Variants in NKAIN2 observed in about 807,000 individuals in gnomAD.
NKAIN2 encodes the protein sodium/potassium-transporting ATPase subunit beta-1-interacting protein 2.
Under a neutral mutation model 32.6 loss-of-function variants are expected in NKAIN2, and 14 were observed. The observed-to-expected ratio is 0.43, with a 90% CI of 0.28 to 0.67. The LOEUF is 0.67. NKAIN2 is among the 30% of genes least tolerant of loss of function. The probability of loss-of-function intolerance (pLI) is 0.17; values close to 1 mark genes in which losing one functional copy is unlikely to be tolerated. For missense variants in NKAIN2, 198 were observed against 258.3 expected (o/e 0.77, Z 1.60); for synonymous variants, 80 against 87.2 (o/e 0.92, Z 0.46).
At chr6:123,887,640 A>G (rs1281050622) in intron 1 of NKAIN2, among the ~76,000 whole-genome samples, 1 of 152,128 alleles carries the variant, frequency 6.6e-6, no homozygotes, top group Non-Finnish European at 1.5e-5. Context: ...AAAGCTCTAA[A>G]TTATAGAATA....
chr6:124,088,932 C>T (rs762832205), intron 1 of NKAIN2, among the ~76,000 whole-genome samples: 9 of 151,996 alleles, frequency 5.9e-5, no homozygotes, highest in Admixed American at 2.0e-4. Flanking sequence ...CATGACTTAT[C>T]TTAGCACAAT....
chr6:124,687,411 A>AAT (rs1353368490), intron 4 of NKAIN2, among the ~76,000 whole-genome samples: 1 of 114,014 alleles, frequency 8.8e-6, no homozygotes, highest in South Asian at 2.9e-4. Flanking sequence ...GTATGTATGG[A>AAT]ATATATATAT....
intron 1 of NKAIN2, among the ~76,000 whole-genome samples, chr6:124,258,368 C>A (rs571439656): frequency 1.6e-4 from 25 of 152,206 alleles, no homozygotes; most frequent in African/African-American, 5.8e-4. Flanking sequence ...GATTTTTATT[C>A]ATTAATCTGT....
At chr6:124,372,955 C>G (rs941548502) in intron 3 of NKAIN2, among the ~76,000 whole-genome samples, 1 of 152,194 alleles carries the variant, frequency 6.6e-6, no homozygotes, top group Non-Finnish European at 1.5e-5. Context: ...TGTAAGGAAA[C>G]ATTGAAAAAC....
intron 1 of NKAIN2, among the ~76,000 whole-genome samples, chr6:124,034,894 A>G (rs895888207): frequency 1.4e-4 from 21 of 151,688 alleles, no homozygotes; most frequent in African/African-American, 5.1e-4. Flanking sequence ...TTTTTTCATG[A>G]TTTTTGGCCA....
intron 1 of NKAIN2, among the ~76,000 whole-genome samples, chr6:124,222,091 C>T (rs1468169233): frequency 5.3e-5 from 8 of 152,096 alleles, no homozygotes. Context: ...TCTGGATAGG[C>T]AGCTGGTGAT....
rs118154959 is a variant in NKAIN2 at position 124,425,047 on chromosome 6, A to G, written c.273+69700A>G. 2.4e-3 allele frequency among the ~76,000 whole-genome samples: 370 copies of G among 152,260 alleles called. 18 individuals carry two copies. The East Asian group carries it at 0.065, about 27-fold the overall frequency. On this transcript the variant is annotated intron_variant, in intron 3 of 6. Transcript: ENST00000368417. ...GTAGAGAGCCCAGAAATAAATCTAT[A>G]CATATATGGCCAGCTAATTTTCAAC...
intron 1 of NKAIN2, among the ~76,000 whole-genome samples, chr6:123,981,403 A>T (rs551185440): frequency 2.6e-5 from 4 of 152,200 alleles, no homozygotes; most frequent in African/African-American, 9.7e-5. Context: ...TCAGACGAGG[A>T]AAAACAGAAC....
chr6:124,722,430 A>G (rs995924787), intron 4 of NKAIN2, among the ~76,000 whole-genome samples: 1 of 152,176 alleles, frequency 6.6e-6, no homozygotes, highest in African/African-American at 2.4e-5. Context: ...CGTGGAAGAC[A>G]ATTTTTCAAC....
intron 4 of NKAIN2, among the ~76,000 whole-genome samples, chr6:124,697,728 C>A (rs1774569529): frequency 6.6e-6 from 1 of 152,102 alleles, no homozygotes; most frequent in Non-Finnish European, 1.5e-5. Context: ...TCCTATAAAG[C>A]AAACATTAGG....
intron 1 of NKAIN2, among the ~76,000 whole-genome samples, chr6:123,975,051 G>A (rs1778496897): frequency 6.6e-6 from 1 of 152,092 alleles, no homozygotes; most frequent in Admixed American, 6.6e-5. Context: ...GGAAGGGAGA[G>A]TAAAACTTTA....
intron 1 of NKAIN2, among the ~76,000 whole-genome samples, chr6:124,196,307 T>C (rs1219250604): frequency 6.6e-6 from 1 of 152,082 alleles, no homozygotes; most frequent in East Asian, 1.9e-4. Flanking sequence ...ACAAAGAACA[T>C]ACATTGACTG....
At chr6:124,239,113 C>T (rs1792936259) in intron 1 of NKAIN2, among the ~76,000 whole-genome samples, 1 of 152,064 alleles carries the variant, frequency 6.6e-6, no homozygotes, top group African/African-American at 2.4e-5. Context: ...CAATCCTAGT[C>T]TCTGATAAAA....
At chr6:124,771,056 C>T (rs1249115392) in intron 4 of NKAIN2, among the ~76,000 whole-genome samples, 1 of 152,128 alleles carries the variant, frequency 6.6e-6, no homozygotes, top group Non-Finnish European at 1.5e-5. Context: ...TCCTATGAGA[C>T]TTCCCTGCAG....
intron 4 of NKAIN2, among the ~76,000 whole-genome samples, chr6:124,768,040 C>G (rs780497306): frequency 2.0e-5 from 3 of 151,996 alleles, no homozygotes; most frequent in African/African-American, 7.3e-5. Context: ...ATAATTTAAT[C>G]ACATTAAATT....
chr6:124,213,325 A>G (rs1791285174), intron 1 of NKAIN2, among the ~76,000 whole-genome samples: 1 of 152,152 alleles, frequency 6.6e-6, no homozygotes, highest in South Asian at 2.1e-4. Context: ...TTGTCAAATA[A>G]CTAAATAAAT....
At chr6:124,299,965 T>G (rs1796229536) in intron 2 of NKAIN2, among the ~76,000 whole-genome samples, 1 of 152,226 alleles carries the variant, frequency 6.6e-6, no homozygotes, top group Non-Finnish European at 1.5e-5. Context: ...CTGTTGTTAC[T>G]GTGTGTATGA....
chr6:123,821,734 G>A (rs375756182), intron 1 of NKAIN2, among the ~76,000 whole-genome samples: 1 of 152,300 alleles, frequency 6.6e-6, no homozygotes, highest in East Asian at 1.9e-4. Context: ...GCTGTGGGAG[G>A]ATGAGGGAGC....
At chr6:124,399,489 A>G (rs1773536869) in intron 3 of NKAIN2, among the ~76,000 whole-genome samples, 1 of 152,230 alleles carries the variant, frequency 6.6e-6, no homozygotes, top group African/African-American at 2.4e-5. Context: ...TAACACTCAT[A>G]GAGCCTTTTT....
Sources: allele counts gnomAD v4.1 joint callset (sites outside exome capture counted in the v4.1 genomes callset), GRCh38; gene constraint gnomAD v4.1.1; transcripts MANE v1.5; gene names NCBI Gene and HGNC (gene_info 2026-07-23, HGNC 2026-07-21).